Variants in TENT2 observed in about 807,000 individuals in gnomAD.
The protein encoded by TENT2 is terminal nucleotidyltransferase 2, also known as poly(A) RNA polymerase GLD2.
A neutral mutation model predicts 72.2 loss-of-function variants in TENT2; 44 were observed. The observed-to-expected ratio is 0.61, with a 90% CI of 0.48 to 0.78. The LOEUF is 0.78. Among genes scored for constraint, TENT2 ranks in the 30% least tolerant of loss-of-function variants. The pLI, the probability that TENT2 is intolerant of heterozygous loss-of-function variation, is 0.00. For missense variants in TENT2, 541 were observed against 569.6 expected (o/e 0.95, Z 0.51); for synonymous variants, 212 against 192.5 (o/e 1.10, Z -0.84).
intron 13 of TENT2, 122 bp from the exon 14 acceptor site, chr5:79,681,860 A>G: frequency 1.5e-6 from 1 of 686,844 alleles, no homozygotes; most frequent in Non-Finnish European, 2.5e-6. Context: ...AGGCTGACCC[A>G]TCTGAAATTG....
intron 4 of TENT2, among the ~76,000 whole-genome samples, chr5:79,629,239 G>C (rs1561475511): frequency 6.6e-6 from 1 of 152,096 alleles, no homozygotes; most frequent in Non-Finnish European, 1.5e-5. Context: ...ATGTTATATT[G>C]ATACCATTCC....
chr5:79,669,675 T>A (rs927103685), intron 12 of TENT2, among the ~76,000 whole-genome samples: 1 of 152,022 alleles, frequency 6.6e-6, no homozygotes, highest in Non-Finnish European at 1.5e-5. Context: ...TTGTACAGTA[T>A]TAGAGGCAGG....
intron 13 of TENT2, among the ~76,000 whole-genome samples, chr5:79,681,284 C>T (rs956362484): frequency 2.0e-5 from 3 of 150,720 alleles, no homozygotes; most frequent in Non-Finnish European, 4.4e-5. Flanking sequence ...CTCAGCCTCC[C>T]GAGTAGCTGG....
intron 3 of TENT2, among the ~76,000 whole-genome samples, chr5:79,622,481 C>T (rs762471918): frequency 5.3e-5 from 8 of 152,130 alleles, no homozygotes; most frequent in Non-Finnish European, 1.2e-4. Flanking sequence ...AATACTAAAA[C>T]CTCCAGAAAA....
chr5:79,656,349 G>A (rs1797971771), intron 10 of TENT2, among the ~76,000 whole-genome samples: 1 of 151,768 alleles, frequency 6.6e-6, no homozygotes, highest in South Asian at 2.1e-4. Flanking sequence ...AGCAGATTGT[G>A]CCCTTAGTTT....
At chr5:79,683,287 TCACACACACACATGCACGCACATGCTCA>T (rs1480700256) in intron 14 of TENT2, among the ~76,000 whole-genome samples, 1 of 150,182 alleles carries the variant, frequency 6.7e-6, no homozygotes, top group Non-Finnish European at 1.5e-5. Flanking sequence ...AAGACATAGT[TCACACACACACATGCACGCACATGCTCA>T]CACACACACA....
In TENT2 at chr5:79,668,597, GTA is replaced by G; in HGVS notation, c.1072-292_1072-291del. ...TATGGTATTGGGTAGATCTTGGTTT[GTA>G]TAGTAAGGTTTTATTTATGAGTTAG... is the stretch of plus-strand genomic sequence containing the variant. On this transcript the variant is annotated intron_variant, in intron 11 of 14. Coordinates refer to ENST00000453514, the MANE Select transcript of TENT2 (RefSeq NM_001114394.3). 5.3e-5 allele frequency: 13 copies of G among 244,394 alleles called. No homozygotes were observed. The East Asian group carries it at 6.5e-4, about 12-fold the overall frequency. 15.1% of individuals were successfully genotyped at this position (244,394 alleles called of 1,614,324 possible).
At chr5:79,641,261 A>G in intron 6 of TENT2, 65 bp downstream of exon 6, 1 of 1,379,216 alleles carries the variant, frequency 7.3e-7, no homozygotes, top group Non-Finnish European at 9.8e-7. Context: ...ATTTTACATA[A>G]AAGTCATTGA....
At chr5:79,682,689 T>C (rs1399222481) in intron 14 of TENT2, among the ~76,000 whole-genome samples, 1 of 152,194 alleles carries the variant, frequency 6.6e-6, no homozygotes. Context: ...TATTGTGGCC[T>C]TAGAAGGAAG....
chr5:79,685,363 T>C lies in TENT2; in HGVS notation c.*90T>C. 1.2e-6 allele frequency: 1 copy of C among 844,956 alleles called. No individual in the cohort carries two copies. Among genetic ancestry groups the C allele is most frequent in the Non-Finnish European group, 1.8e-6 (1 of 561,116 alleles). The allele number at this position is 844,956 out of a possible 1,614,324, so 52.3% of individuals were successfully genotyped here. A position where few individuals can be genotyped will look rare whatever the true frequency, so the allele number is the denominator to read the frequency against. ...TATGTTTACCTCCATCATAGTTGCTTTTTTCATAGTTCTTGTTTTCATGTT... is the reference window on the plus strand; with the variant it reads ...TATGTTTACCTCCATCATAGTTGCTCTTTTCATAGTTCTTGTTTTCATGTT... On this transcript the variant is annotated 3_prime_UTR_variant, in exon 15 of 15. Coordinates refer to ENST00000453514, the MANE Select transcript of TENT2 (RefSeq NM_001114394.3).
rs201162237 is a variant in TENT2, at chr5:79,681,902, T to C, written c.1301-80T>C. ...TTGTAGGTTAAAAACTGTTAACATA[T>C]TGACAGTATCAAACCTAAAAAAGAA... On this transcript the variant is annotated intron_variant, in intron 13 of 14. Coordinates refer to ENST00000453514, the MANE Select transcript of TENT2 (RefSeq NM_001114394.3). The C allele has an allele frequency of 1.2e-5, 14 of 1,154,336 alleles. No homozygotes were observed. In the East Asian group the frequency reaches 2.8e-4, roughly 23 times the overall value. 71.5% of individuals were successfully genotyped at this position (1,154,336 alleles called of 1,614,324 possible). A position where few individuals can be genotyped will look rare whatever the true frequency, so the allele number is the denominator to read the frequency against.
rs1449469003 is a variant in TENT2 at position 79,612,968 on chromosome 5, C to T, written c.-145C>T. On this transcript the variant is annotated 5_prime_UTR_variant, in exon 1 of 15. Coordinates refer to ENST00000453514, the MANE Select transcript of TENT2 (RefSeq NM_001114394.3). ...ATCTTAGGACCGCTTACTTTGCTTACTCGTTTTCTATTCCTCGCGTACTGC... is the reference window on the plus strand; with the variant it reads ...ATCTTAGGACCGCTTACTTTGCTTATTCGTTTTCTATTCCTCGCGTACTGC... The T allele has an allele frequency of 6.6e-6, 1 of 152,252 alleles. No homozygotes were observed. Among genetic ancestry groups the T allele is most frequent in the Non-Finnish European group, 1.5e-5 (1 of 68,082 alleles). The allele number at this position is 152,252 out of a possible 1,614,324, so 9.4% of individuals were successfully genotyped here. A position where few individuals can be genotyped will look rare whatever the true frequency, so the allele number is the denominator to read the frequency against.
intron 12 of TENT2, among the ~76,000 whole-genome samples, chr5:79,673,400 T>C (rs1357548424): frequency 3.9e-5 from 6 of 152,170 alleles, no homozygotes; most frequent in Admixed American, 1.3e-4. Flanking sequence ...CTCCAATGTT[T>C]TCTTGTGGTG....
At chr5:79,650,299 A>G (rs1792780967) in intron 10 of TENT2, among the ~76,000 whole-genome samples, 1 of 152,172 alleles carries the variant, frequency 6.6e-6, no homozygotes, top group South Asian at 2.1e-4. Context: ...AACAACATAC[A>G]AAAACAATTA....
chr5:79,683,923 C>CAAAAAAAAAAAA (rs761567083), intron 14 of TENT2, among the ~76,000 whole-genome samples: 3 of 41,558 alleles, frequency 7.2e-5, no homozygotes, highest in African/African-American at 1.4e-4. Context: ...GACTCCGTCT[C>CAAAAAAAAAAAA]AAAAAAAAAA....
chr5:79,639,959 G>C (rs1482611849), intron 4 of TENT2, among the ~76,000 whole-genome samples: 1 of 151,980 alleles, frequency 6.6e-6, no homozygotes, highest in Non-Finnish European at 1.5e-5. Flanking sequence ...CAGATCAGTA[G>C]ATAAAAGGGT....
intron 12 of TENT2, among the ~76,000 whole-genome samples, chr5:79,673,062 G>T (rs572228764): frequency 5.3e-5 from 8 of 152,276 alleles, no homozygotes; most frequent in Middle Eastern, 3.4e-3. Context: ...GAGCAGCTTT[G>T]CATATACCTC....
intron 14 of TENT2, among the ~76,000 whole-genome samples, chr5:79,683,344 C>CCACTT (rs1275816893): frequency 6.6e-6 from 1 of 150,574 alleles, no homozygotes; most frequent in Admixed American, 6.6e-5. Context: ...CACACACACC[C>CCACTT]CACCTCACCT....
At chr5:79,661,119 AAAAG>A (rs1243869597) in intron 11 of TENT2, among the ~76,000 whole-genome samples, 1 of 152,216 alleles carries the variant, frequency 6.6e-6, no homozygotes. Flanking sequence ...CTAAAAGTTA[AAAAG>A]TTTTTAAAAT....
Sources: allele counts gnomAD v4.1 joint callset (sites outside exome capture counted in the v4.1 genomes callset), GRCh38; gene constraint gnomAD v4.1.1; transcripts MANE v1.5; gene names NCBI Gene and HGNC (gene_info 2026-07-23, HGNC 2026-07-21).